Variants in CELF6 observed in about 807,000 individuals in gnomAD.
CELF6 encodes Bruno -like 6, RNA binding protein.
A neutral mutation model predicts 53.1 loss-of-function variants in CELF6; 32 were observed. The observed-to-expected ratio is 0.60, with a 90% CI of 0.46 to 0.81. The LOEUF (loss-of-function observed/expected upper bound fraction) is 0.81, where lower values mean the gene tolerates loss of function less well. Among genes scored for constraint, CELF6 ranks in the 30% least tolerant of loss-of-function variants. The pLI, the probability that CELF6 is intolerant of heterozygous loss-of-function variation, is 0.00. For synonymous variants in CELF6, 291 were observed against 288.8 expected (o/e 1.01, Z -0.08); for missense variants, 539 against 669.5 (o/e 0.81, Z 2.15).
In CELF6 at chr15:72,286,015, T is replaced by C. The variant is rs1277627694; in HGVS notation, c.*356A>G. ...GATATATATATTCTTAAAAAAGCAA[T>C]AGTCCTTTGGTCCCTAAACTCTAAG... On this transcript the variant is annotated 3_prime_UTR_variant, in exon 13 of 13. Coordinates refer to ENST00000287202, the MANE Select transcript of CELF6 (RefSeq NM_052840.5). The C allele has an allele frequency of 1.3e-5, 2 of 152,608 alleles. No homozygotes were observed. The highest frequency in any genetic ancestry group is 2.9e-5 in the Non-Finnish European group (2 of 68,038). 9.5% of individuals were successfully genotyped at this position (152,608 alleles called of 1,614,324 possible). A position where few individuals can be genotyped will look rare whatever the true frequency, so the allele number is the denominator to read the frequency against.
At chr15:72,312,068 A>G (rs1784031246) in intron 2 of CELF6, among the ~76,000 whole-genome samples, 1 of 152,198 alleles carries the variant, frequency 6.6e-6, no homozygotes, top group African/African-American at 2.4e-5. Context: ...ATAAACAAAT[A>G]GGGAGGCACC....
chr15:72,297,291 A>G (rs1217082701), intron 3 of CELF6, among the ~76,000 whole-genome samples: 1 of 151,986 alleles, frequency 6.6e-6, no homozygotes, highest in Non-Finnish European at 1.5e-5. Context: ...CTTTCTCCAT[A>G]CTGTAACCCC....
At chr15:72,303,711 C>G (rs954930382) in intron 3 of CELF6, among the ~76,000 whole-genome samples, 1 of 152,114 alleles carries the variant, frequency 6.6e-6, no homozygotes, top group Non-Finnish European at 1.5e-5. Context: ...GGCTGATACA[C>G]TGGAAGGATC....
Position 72,287,316 on chromosome 15 carries a change from C to T in CELF6, c.1395G>A (p.Lys465=). ...GCCGCTTTAGCTGGACCTTGAGCCTCTTCATGCCAATTTGAAAGCCATTCA... is the reference window on the plus strand; with the variant it reads ...GCCGCTTTAGCTGGACCTTGAGCCTTTTCATGCCAATTTGAAAGCCATTCA... ...QAMNGFQIGM[K]RLKVQLKRPK... is the part of the protein sequence containing the mutation. Residue 465 remains lysine, a synonymous_variant, in exon 12 of 13, where the codon AAG becomes AAA. Transcript: ENST00000287202. 1.9e-6 allele frequency: 3 copies of T among 1,614,208 alleles called. No homozygotes were observed. The highest frequency in any genetic ancestry group is 2.5e-6 in the Non-Finnish European group (3 of 1,180,022).
intron 3 of CELF6, among the ~76,000 whole-genome samples, chr15:72,297,534 G>T (rs1037168299): frequency 1.3e-5 from 2 of 152,222 alleles, no homozygotes; most frequent in African/African-American, 4.8e-5. Flanking sequence ...ACAAAATGTG[G>T]TATATACAAA....
intron 3 of CELF6, among the ~76,000 whole-genome samples, chr15:72,295,947 T>C (rs1414322107): frequency 1.3e-5 from 2 of 152,062 alleles, no homozygotes; most frequent in Admixed American, 6.6e-5. Context: ...CCCAGCAATC[T>C]TGAAGAAGAA....
intron 3 of CELF6, among the ~76,000 whole-genome samples, chr15:72,297,447 A>T (rs2088095507): frequency 6.6e-6 from 1 of 152,226 alleles, no homozygotes; most frequent in Non-Finnish European, 1.5e-5. Flanking sequence ...TCTTTTGTAC[A>T]CCCATATTCA....
rs1265460354 is a variant in CELF6, at chr15:72,317,788, T to G, written c.262+1825A>C. On this transcript the variant is annotated intron_variant, in intron 1 of 12. Transcript: ENST00000287202. Reference sequence around the variant, plus strand: ...TGTTTTGCTACCAACCCATATCACCTGACGTCCAAACCGGGCAGGTTGCCT... The same window carrying G: ...TGTTTTGCTACCAACCCATATCACCGGACGTCCAAACCGGGCAGGTTGCCT... Among the ~76,000 whole-genome samples the G allele has an allele frequency of 2.1e-4, 32 of 152,298 alleles. 1 individual carries two copies. The highest frequency in any genetic ancestry group is 1.0e-4 in the Non-Finnish European group (7 of 68,022).
intron 3 of CELF6, among the ~76,000 whole-genome samples, chr15:72,296,767 T>C (rs1255951964): frequency 6.6e-6 from 1 of 152,154 alleles, no homozygotes; most frequent in Admixed American, 6.5e-5. Context: ...TCACACCGAT[T>C]AGGATGACTG....
chr15:72,304,531 C>G (rs2088199852), intron 3 of CELF6, among the ~76,000 whole-genome samples: 1 of 152,188 alleles, frequency 6.6e-6, no homozygotes, highest in Non-Finnish European at 1.5e-5. Flanking sequence ...TTAGGCCCTT[C>G]TTGCCTCTTC....
rs756761750 is a variant in CELF6, at chr15:72,315,830, A to G, written c.345+15T>C. The G allele has an allele frequency of 3.2e-6, 5 of 1,572,750 alleles. No individual in the cohort carries two copies. Among genetic ancestry groups the G allele is most frequent in the Non-Finnish European group, 4.3e-6 (5 of 1,154,890 alleles). The stretch of plus-strand genomic sequence containing the variant: ...AGCCTGAGGTGATTCCCACCCCCCA[A>G]CCTGGAGGACTTACCCCTGGCAGGG... On this transcript the variant is annotated intron_variant, in intron 2 of 12. Transcript: ENST00000287202.
rs562920734 is a variant in CELF6 at position 72,303,598 on chromosome 15, C to T, written c.394+1148G>A. Among the ~76,000 whole-genome samples the T allele has an allele frequency of 5.9e-5, 9 of 152,250 alleles. No homozygotes were observed. The South Asian group carries it at 6.2e-4, about 11-fold the overall frequency. On this transcript the variant is annotated intron_variant, in intron 3 of 12. Coordinates refer to ENST00000287202, the MANE Select transcript of CELF6 (RefSeq NM_052840.5). ...TTGGGTTCCATTCTGTTCCTGAACT[C>T]GGGCAGCTTCTTTCAGCTAGCAAAG...
intron 3 of CELF6, among the ~76,000 whole-genome samples, chr15:72,303,326 T>C (rs1313567736): frequency 4.6e-5 from 7 of 152,210 alleles, no homozygotes; most frequent in Non-Finnish European, 8.8e-5. Flanking sequence ...AATGTGTGTG[T>C]GGATGGAGGA....
In CELF6 at chr15:72,288,949, G is replaced by A. The variant is rs533672304; in HGVS notation, c.1031-19C>T. 3.2e-6 allele frequency: 5 copies of A among 1,547,910 alleles called. No individual in the cohort carries two copies. The highest frequency in any genetic ancestry group is 2.4e-5 in the East Asian group (1 of 40,912). On this transcript the variant is annotated intron_variant, in intron 8 of 12. Coordinates refer to ENST00000287202, the MANE Select transcript of CELF6 (RefSeq NM_052840.5). The surrounding 1 kb of genome is among the most constrained non-coding windows in gnomAD (Gnocchi z 4.6). ...CTCTGGGCTGGGGAGAGAGGGGCGC[G>A]AGGCCCACAGTGAAGGCAAGCGGGC...
In CELF6 at chr15:72,319,580, G is replaced by GGGGCTGGGAT; in HGVS notation, c.262+32_262+33insATCCCAGCCC. The GGGGCTGGGAT allele has an allele frequency of 6.6e-7, 1 of 1,510,606 alleles. No individual in the cohort carries two copies. The highest frequency in any genetic ancestry group is 8.9e-7 in the Non-Finnish European group (1 of 1,123,820). The allele number at this position is 1,510,606 out of a possible 1,614,324, so 93.6% of individuals were successfully genotyped here. A position where few individuals can be genotyped will look rare whatever the true frequency, so the allele number is the denominator to read the frequency against. ...GGTCGGGCCACACTCTAATCGGATT[G>GGGGCTGGGAT]GGGCTGGGCTGGGCTGGGCTGACCC... On this transcript the variant is annotated intron_variant, in intron 1 of 12. Coordinates refer to ENST00000287202, the MANE Select transcript of CELF6 (RefSeq NM_052840.5). This position sits in a 1 kb window ranked among gnomAD's most constrained non-coding sequence, Gnocchi z 5.0.
At chr15:72,286,963 C>T (rs1395344647) in intron 12 of CELF6, among the ~76,000 whole-genome samples, 3 of 152,240 alleles carry the variant, frequency 2.0e-5, no homozygotes, top group South Asian at 2.1e-4. Flanking sequence ...TCTCTACTCT[C>T]ATTGGCTGTC....
rs147567234 is a variant in CELF6, at chr15:72,314,841, C to T, written c.345+1004G>A. The stretch of plus-strand genomic sequence containing the variant: ...AACTCCTGACCTCAGGTGATCTGCC[C>T]GCCTTGTCCTCCCAAAGTGCTAGGA... On this transcript the variant is annotated intron_variant, in intron 2 of 12. Coordinates refer to ENST00000287202, the MANE Select transcript of CELF6 (RefSeq NM_052840.5). Among the ~76,000 whole-genome samples the T allele has an allele frequency of 1.8e-4, 28 of 152,146 alleles. No individual in the cohort carries two copies. In the East Asian group the frequency reaches 5.2e-3, roughly 28 times the overall value.
At position 72,289,767 on chromosome 15, in the gene CELF6, C is replaced by A. The variant is rs765371234; in HGVS notation, c.607G>T (p.Ala203Ser). The A allele has an allele frequency of 4.1e-6, 6 of 1,450,726 alleles. No individual in the cohort carries two copies. Among genetic ancestry groups the A allele is most frequent in the South Asian group, 1.4e-5 (1 of 70,688 alleles). 89.9% of individuals were successfully genotyped at this position (1,450,726 alleles called of 1,614,324 possible). A position where few individuals can be genotyped will look rare whatever the true frequency, so the allele number is the denominator to read the frequency against. The change falls in exon 6 of 13, where the codon GCC becomes TCC. Residue 203 changes from alanine to serine, a missense_variant. By Grantham distance (99) the Ala-to-Ser change is moderately conservative. Around this residue, in one of 3 missense-constraint regions of CELF6, gnomAD observed 358 missense variants for 412.8 expected, o/e 0.87. Transcript: ENST00000287202. The surrounding 1 kb of genome is among the most constrained non-coding windows in gnomAD (Gnocchi z 7.6). ...AGCTTGACCACGAGGCTGGACGAGG[C>A]GCCCTGGGCAGGGCAGGGGAGGCCG... ...GLHGSRTMAGASSSLVVKLAD... is the reference protein window; with the variant it reads ...GLHGSRTMAGSSSSLVVKLAD...
rs1287798543 is a variant in CELF6, at chr15:72,289,988, C to T, written c.554G>A (p.Gly185Glu). The T allele has an allele frequency of 1.3e-6, 2 of 1,597,194 alleles. No individual in the cohort carries two copies. The highest frequency in any genetic ancestry group is 1.7e-6 in the Non-Finnish European group (2 of 1,172,362). ...ACCCCGGATGGCCGCCTGAGCTTCC[C>T]CTTGACTCCCGAACTTCACAAAGGC... The part of the protein sequence containing the change: ...GCAFVKFGSQ[G>E]EAQAAIRGLH... Residue 185 changes from glycine (G) to glutamate (E), a missense_variant, in exon 5 of 13, where the codon GGG (glycine) becomes GAG (glutamate). By Grantham distance (98) the Gly-to-Glu change is moderately conservative (BLOSUM62 -2). Coordinates refer to ENST00000287202, the MANE Select transcript of CELF6 (RefSeq NM_052840.5). This position sits in a 1 kb window ranked among gnomAD's most constrained non-coding sequence, Gnocchi z 7.6.
Sources: allele counts gnomAD v4.1 joint callset (sites outside exome capture counted in the v4.1 genomes callset), GRCh38; gene constraint gnomAD v4.1.1; regional missense constraint gnomAD v4.1.1; non-coding constraint Gnocchi (gnomAD v3.1); transcripts MANE v1.5; gene names NCBI Gene and HGNC (gene_info 2026-07-23, HGNC 2026-07-21).